LIMCH1: variants seen among roughly 807,000 people sequenced by gnomAD.
The protein encoded by LIMCH1 is LIM and calponin homology domains-containing protein 1.
A neutral mutation model predicts 176.5 loss-of-function variants in LIMCH1; 113 were observed. The ratio of observed to expected loss-of-function variants is 0.64; its 90% CI spans 0.55 to 0.75. LIMCH1 has a LOEUF of 0.75. Among genes scored for constraint, LIMCH1 ranks in the 30% least tolerant of loss-of-function variants. The pLI, the probability that LIMCH1 is intolerant of heterozygous loss-of-function variation, is 0.00. For missense variants in LIMCH1, 1,674 were observed against 1,814.9 expected (o/e 0.92, Z 1.41); for synonymous variants, 619 against 645.9 (o/e 0.96, Z 0.63).
At chr4:41,486,670 T>G (rs1164321952) in intron 1 of LIMCH1, among the ~76,000 whole-genome samples, 1 of 152,130 alleles carries the variant, frequency 6.6e-6, no homozygotes, top group Non-Finnish European at 1.5e-5. Flanking sequence ...CTTTGTGAAA[T>G]GTACTGTGCA....
chr4:41,682,289 T>G, intron 25 of LIMCH1, 44 bp from the exon 26 acceptor site: 1 of 1,519,362 alleles, frequency 6.6e-7, no homozygotes, highest in Non-Finnish European at 9.1e-7. Flanking sequence ...TTATACAGTG[T>G]TTTTAAAATT....
At chr4:41,554,135 C>G (rs1296492396) in intron 1 of LIMCH1, among the ~76,000 whole-genome samples, 5 of 152,144 alleles carry the variant, frequency 3.3e-5, no homozygotes, top group Non-Finnish European at 2.9e-5. Flanking sequence ...TTTCCATTCC[C>G]TTCTTCTAAG....
chr4:41,599,122 G>A, intron 2 of LIMCH1, 96 bp downstream of exon 2: 1 of 688,400 alleles, frequency 1.5e-6, no homozygotes, highest in South Asian at 1.8e-5. Context: ...CAGAGAATTG[G>A]TTATGCTTAA....
At chr4:41,574,169 A>G (rs2084023847) in intron 1 of LIMCH1, among the ~76,000 whole-genome samples, 1 of 150,692 alleles carries the variant, frequency 6.6e-6, no homozygotes, top group Non-Finnish European at 1.5e-5. Context: ...AAGTCTCAGA[A>G]AGATAAAATG....
chr4:41,455,876 G>C (rs1432135252), intron 1 of LIMCH1, among the ~76,000 whole-genome samples: 4 of 152,182 alleles, frequency 2.6e-5, no homozygotes, highest in Admixed American at 2.0e-4. Flanking sequence ...GATATCCAAT[G>C]GTGGTACCTT....
At chr4:41,399,331 G>A (rs762821358) in intron 1 of LIMCH1, among the ~76,000 whole-genome samples, 1 of 152,176 alleles carries the variant, frequency 6.6e-6, no homozygotes, top group African/African-American at 2.4e-5. Context: ...GATGAAGGGG[G>A]CAGAGAAAAG....
chr4:41,463,371 A>G (rs986816531), intron 1 of LIMCH1, among the ~76,000 whole-genome samples: 1 of 152,052 alleles, frequency 6.6e-6, no homozygotes, highest in African/African-American at 2.4e-5. Context: ...GAAAAAAATG[A>G]GAAAGGTTTA....
intron 1 of LIMCH1, among the ~76,000 whole-genome samples, chr4:41,419,709 T>TCCTTCCG (rs1165654590): frequency 8.6e-6 from 1 of 116,520 alleles, no homozygotes; most frequent in African/African-American, 4.6e-5. Flanking sequence ...CCTTCCTTCC[T>TCCTTCCG]TCCTTCCTTC....
At chr4:41,615,022 T>C (rs185625405) in intron 5 of LIMCH1, among the ~76,000 whole-genome samples, 37 of 152,332 alleles carry the variant, frequency 2.4e-4, no homozygotes, top group African/African-American at 8.2e-4. Flanking sequence ...ATGTGACTCC[T>C]AAAGAATTCC....
At chr4:41,444,136 T>C (rs2063000510) in intron 1 of LIMCH1, among the ~76,000 whole-genome samples, 1 of 152,152 alleles carries the variant, frequency 6.6e-6, no homozygotes, top group Non-Finnish European at 1.5e-5. Flanking sequence ...TCTGTGAGTC[T>C]GAATAGTTCT....
intron 19 of LIMCH1, 45 bp downstream of exon 19, chr4:41,661,555 G>A (rs2094619678): frequency 3.9e-6 from 5 of 1,291,838 alleles, no homozygotes; most frequent in Non-Finnish European, 5.6e-6. Flanking sequence ...CATGGTAACT[G>A]TTTAAGATGT....
chr4:41,671,369 A>C (rs1242751498), intron 21 of LIMCH1, among the ~76,000 whole-genome samples, 185 bp from the exon 22 acceptor site: 2 of 148,070 alleles, frequency 1.4e-5, no homozygotes, highest in Non-Finnish European at 3.0e-5. Flanking sequence ...CTGCTTTATT[A>C]TGATTTTCTA....
chr4:41,571,245 A>G (rs1281925174), intron 1 of LIMCH1, among the ~76,000 whole-genome samples: 1 of 152,092 alleles, frequency 6.6e-6, no homozygotes, highest in African/African-American at 2.4e-5. Flanking sequence ...GACTGGTGAG[A>G]AAAAGATGAA....
At chr4:41,480,753 A>T (rs895172397) in intron 1 of LIMCH1, among the ~76,000 whole-genome samples, 2 of 151,836 alleles carry the variant, frequency 1.3e-5, no homozygotes, top group African/African-American at 4.8e-5. Flanking sequence ...TTCTTTCTAG[A>T]CTCTTCCTTC....
chr4:41,505,134 C>T (rs760679697), intron 2 of LIMCH1, among the ~76,000 whole-genome samples: 8 of 152,146 alleles, frequency 5.3e-5, no homozygotes, highest in African/African-American at 1.7e-4. Context: ...AACTTTCCCC[C>T]GTTCGTCTAT....
intron 20 of LIMCH1, 87 bp from the exon 21 acceptor site, chr4:41,666,474 C>A: frequency 1.3e-6 from 1 of 779,512 alleles, no homozygotes; most frequent in Non-Finnish European, 2.2e-6. Context: ...ACTTCTATAA[C>A]AGCCATGGAT....
chr4:41,421,912 G>A (rs554677136), intron 1 of LIMCH1, among the ~76,000 whole-genome samples: 6 of 152,062 alleles, frequency 3.9e-5, no homozygotes, highest in African/African-American at 1.4e-4. Context: ...GTGAAACCTC[G>A]TCTCTACTAA....
At chr4:41,595,085 ACT>A (rs2152734210) in intron 1 of LIMCH1, among the ~76,000 whole-genome samples, 1 of 152,242 alleles carries the variant, frequency 6.6e-6, no homozygotes, top group Admixed American at 6.5e-5. Flanking sequence ...GGGTTTATTT[ACT>A]GTTCCTGAAT....
chr4:41,550,349 T>C (rs967125045), intron 1 of LIMCH1, among the ~76,000 whole-genome samples: 1 of 151,834 alleles, frequency 6.6e-6, no homozygotes, highest in Non-Finnish European at 1.5e-5. Context: ...AATAATTTGA[T>C]ACCTTTAGCT....
Sources: gnomAD v4.1 joint callset for allele counts (sites outside exome capture counted in the v4.1 genomes callset) on GRCh38, gnomAD v4.1.1 for gene constraint, MANE v1.5 for transcripts, NCBI Gene and HGNC (gene_info 2026-07-23, HGNC 2026-07-21) for gene names.